The following SLC4A5 variants were observed in gnomAD, a reference collection of about 807,000 sequenced individuals.
SLC4A5 encodes the protein electrogenic sodium bicarbonate cotransporter 4.
In SLC4A5, 96 loss-of-function variants were observed where a neutral mutation model predicts 120.4. The ratio of observed to expected loss-of-function variants is 0.80; its 90% CI spans 0.68 to 0.94. The LOEUF (loss-of-function observed/expected upper bound fraction) is 0.94. Ranked by LOEUF, SLC4A5 falls within the 40% of genes least tolerant of loss-of-function variation. The pLI, the probability that SLC4A5 is intolerant of heterozygous loss-of-function variation, is 0.00. For synonymous variants in SLC4A5, 550 were observed against 571.1 expected (o/e 0.96, Z 0.53); for missense variants, 1,259 against 1,459.5 (o/e 0.86, Z 2.24).
At position 74,239,484 on chromosome 2, in the gene SLC4A5, C is replaced by A; in HGVS notation, c.2170G>T (p.Glu724Ter). ...AGGCGCCCGCCGTAGCTCAGACACT[C>A]CTTCTTGCTCAGCAGGGACCAGTCC... The change falls in exon 21 of 31, where the codon GAG (glutamate) becomes TAG (stop). Residue 724 changes from glutamate to a stop codon, truncating the protein, a stop_gained. Transcript: ENST00000394019. LOFTEE classifies it high-confidence loss of function. 6.2e-7 allele frequency: 1 copy of A among 1,614,082 alleles called. No individual in the cohort carries two copies. Among genetic ancestry groups the A allele is most frequent in the African/African-American group, 1.3e-5 (1 of 75,060 alleles).
chr2:74,340,265 T>TA (rs1673594901), intron 2 of SLC4A5, among the ~76,000 whole-genome samples: 2 of 152,250 alleles, frequency 1.3e-5, no homozygotes, highest in African/African-American at 2.4e-5. Context: ...TGATTGGAGC[T>TA]ATGTTAAATG....
chr2:74,217,706 G>T (rs925138313), exon 31 of SLC4A5: 2 of 152,212 alleles, frequency 1.3e-5, no homozygotes, highest in Non-Finnish European at 2.9e-5. Flanking sequence ...CCACTCAGAT[G>T]CATTGGTTCT....
chr2:74,299,472 T>C (rs1278087931), intron 7 of SLC4A5, among the ~76,000 whole-genome samples: 4 of 152,236 alleles, frequency 2.6e-5, no homozygotes, highest in East Asian at 1.9e-4. Context: ...TCTGCCGTGA[T>C]TGTGAGCCCT....
intron 8 of SLC4A5, among the ~76,000 whole-genome samples, chr2:74,273,983 G>A (rs1671557810): frequency 6.6e-6 from 1 of 152,226 alleles, no homozygotes; most frequent in Non-Finnish European, 1.5e-5. Flanking sequence ...TGGCCAACAT[G>A]GCAAAACCCT....
At chr2:74,329,245 G>T (rs1558916670) in intron 4 of SLC4A5, among the ~76,000 whole-genome samples, 1 of 152,194 alleles carries the variant, frequency 6.6e-6, no homozygotes. Flanking sequence ...TGGAGATGTG[G>T]GGTATAGATA....
intron 8 of SLC4A5, among the ~76,000 whole-genome samples, chr2:74,283,880 C>T (rs1573060417): frequency 6.6e-6 from 1 of 150,562 alleles, no homozygotes; most frequent in African/African-American, 2.4e-5. Context: ...CTCTGTTGTC[C>T]AGGTTGGAGT....
intron 7 of SLC4A5, among the ~76,000 whole-genome samples, chr2:74,295,238 A>G (rs1672292429): frequency 6.6e-6 from 1 of 152,098 alleles, no homozygotes; most frequent in Admixed American, 6.6e-5. Context: ...GTTGCCAAAA[A>G]TATGGTAGGA....
chr2:74,264,822 A>G (rs954735255), intron 9 of SLC4A5, among the ~76,000 whole-genome samples: 15 of 152,188 alleles, frequency 9.9e-5, no homozygotes, highest in African/African-American at 3.4e-4. Flanking sequence ...TGTCATGGCA[A>G]GAGGTATCTC....
intron 3 of SLC4A5, among the ~76,000 whole-genome samples, chr2:74,334,878 A>C (rs1673444827): frequency 6.6e-6 from 1 of 152,194 alleles, no homozygotes. Flanking sequence ...TAATATTATT[A>C]TAATTATTAC....
In SLC4A5 at chr2:74,229,241, G is replaced by A. The variant is rs546248300; in HGVS notation, c.2848-1363C>T. Reference sequence around the variant, plus strand: ...ATGGGCCACCATGCCTGGCCGATTCGAAGGTGTTTTTTTTTTTTGGGGGGG... The same window carrying A: ...ATGGGCCACCATGCCTGGCCGATTCAAAGGTGTTTTTTTTTTTTGGGGGGG... On this transcript the variant is annotated intron_variant, in intron 25 of 30. Transcript: ENST00000394019. Among the ~76,000 whole-genome samples, 25 of 143,432 alleles carry A rather than the reference G, an allele frequency of 1.7e-4. 1 individual carries two copies. In the South Asian group the frequency reaches 5.3e-3, roughly 30 times the overall value. The allele number at this position is 143,432 out of a possible 152,430, so 94.1% of individuals were successfully genotyped here. A position where few individuals can be genotyped will look rare whatever the true frequency, so the allele number is the denominator to read the frequency against.
intron 8 of SLC4A5, among the ~76,000 whole-genome samples, chr2:74,269,743 G>A (rs989984432): frequency 4.6e-5 from 7 of 152,272 alleles, no homozygotes; most frequent in African/African-American, 1.7e-4. Flanking sequence ...GGCCAGTTGA[G>A]TGGGTTGCTG....
chr2:74,279,095 CTT>C (rs1331822820), intron 8 of SLC4A5, among the ~76,000 whole-genome samples: 2 of 152,358 alleles, frequency 1.3e-5, no homozygotes, highest in African/African-American at 4.8e-5. Context: ...CTGGACACTT[CTT>C]GTAAGCCTAC....
chr2:74,263,894 C>T (rs1276908346), intron 10 of SLC4A5, among the ~76,000 whole-genome samples: 1 of 152,252 alleles, frequency 6.6e-6, no homozygotes, highest in Non-Finnish European at 1.5e-5. Context: ...TCTCAAGCCC[C>T]AAAGTGATCT....
At chr2:74,291,086 T>C (rs1672151976) in intron 7 of SLC4A5, among the ~76,000 whole-genome samples, 1 of 152,118 alleles carries the variant, frequency 6.6e-6, no homozygotes, top group South Asian at 2.1e-4. Flanking sequence ...CAGTGCTCGA[T>C]AATGTGCTAT....
chr2:74,229,407 A>T (rs1020621456), intron 25 of SLC4A5, among the ~76,000 whole-genome samples: 3 of 151,364 alleles, frequency 2.0e-5, no homozygotes, highest in Non-Finnish European at 4.4e-5. Flanking sequence ...GTGCCACCAT[A>T]CCTGGCTATT....
intron 10 of SLC4A5, among the ~76,000 whole-genome samples, chr2:74,262,816 C>A (rs1256196448): frequency 6.6e-6 from 1 of 152,138 alleles, no homozygotes; most frequent in African/African-American, 2.4e-5. Context: ...ATCCCTGATT[C>A]CACCACTTAA....
intron 8 of SLC4A5, among the ~76,000 whole-genome samples, chr2:74,279,186 C>A (rs1313930456): frequency 1.3e-5 from 2 of 152,252 alleles, no homozygotes; most frequent in Non-Finnish European, 2.9e-5. Flanking sequence ...GCTTCCTTCA[C>A]TCCTGCCCTT....
chr2:74,217,588 A>G (rs1024271132), exon 31 of SLC4A5: 6 of 152,232 alleles, frequency 3.9e-5, no homozygotes, highest in Non-Finnish European at 7.3e-5. Context: ...ATGAAATGTG[A>G]TTCCAGGTAT....
intron 7 of SLC4A5, among the ~76,000 whole-genome samples, chr2:74,286,756 A>T (rs1671997089): frequency 6.6e-6 from 1 of 152,148 alleles, no homozygotes; most frequent in East Asian, 1.9e-4. Flanking sequence ...ATGGTCACAA[A>T]AGGACTCTCT....
Sources: allele counts gnomAD v4.1 joint callset (sites outside exome capture counted in the v4.1 genomes callset), GRCh38; gene constraint gnomAD v4.1.1; transcripts MANE v1.5; gene names NCBI Gene and HGNC (gene_info 2026-07-23, HGNC 2026-07-21).